MALRD1: variants seen among roughly 807,000 people sequenced by gnomAD.
The protein encoded by MALRD1 is MAM and LDL receptor class A domain containing 1.
Under a neutral mutation model 242.1 loss-of-function variants are expected in MALRD1, and 247 were observed. That is an observed-to-expected ratio of 1.02 (90% CI 0.92 to 1.13). The LOEUF is 1.13. MALRD1 is among the 50% of genes most tolerant of loss of function. MALRD1 has a pLI of 0.00. For synonymous variants in MALRD1, 995 were observed against 866.6 expected, an observed-to-expected ratio of 1.15 and a Z score of -2.60; for missense variants, 2,989 against 2,533.1, an observed-to-expected ratio of 1.18 and a Z score of -3.86.
intron 28 of MALRD1, among the ~76,000 whole-genome samples, chr10:19,429,003 T>C (rs1834012986): frequency 6.6e-6 from 1 of 152,252 alleles, no homozygotes; most frequent in Non-Finnish European, 1.5e-5. Context: ...TTTGGAAGTA[T>C]TCCTGTATGT....
chr10:19,102,179 A>G (rs1294045489), intron 4 of MALRD1, among the ~76,000 whole-genome samples: 1 of 148,786 alleles, frequency 6.7e-6, no homozygotes, highest in Non-Finnish European at 1.5e-5. Flanking sequence ...TTTTTGAAAA[A>G]ATATCTTTTG....
intron 9 of MALRD1, among the ~76,000 whole-genome samples, chr10:19,136,223 T>C (rs1650766676): frequency 6.6e-6 from 1 of 152,170 alleles, no homozygotes; most frequent in South Asian, 2.1e-4. Context: ...GTAAAGATGA[T>C]GACCAAGTAA....
At chr10:19,335,472 C>T (rs1224603592) in intron 24 of MALRD1, among the ~76,000 whole-genome samples, 1 of 151,808 alleles carries the variant, frequency 6.6e-6, no homozygotes, top group Non-Finnish European at 1.5e-5. Context: ...CTGGAATCTG[C>T]CATATGAATT....
chr10:19,496,111 C>A (rs1837707724), intron 30 of MALRD1, among the ~76,000 whole-genome samples: 1 of 152,070 alleles, frequency 6.6e-6, no homozygotes, highest in African/African-American at 2.4e-5. Context: ...GACTCCCAAA[C>A]AATAATAGTG....
At chr10:19,474,932 G>A (rs1442074868) in intron 29 of MALRD1, among the ~76,000 whole-genome samples, 1 of 152,028 alleles carries the variant, frequency 6.6e-6, no homozygotes, top group African/African-American at 2.4e-5. Context: ...TTTATTAAAT[G>A]CCAAACAAGT....
chr10:19,359,324 C>T (rs1290947035), intron 26 of MALRD1, among the ~76,000 whole-genome samples: 2 of 152,104 alleles, frequency 1.3e-5, no homozygotes, highest in African/African-American at 4.8e-5. Flanking sequence ...ATTGGAAATA[C>T]ATATTGACAT....
intron 18 of MALRD1, among the ~76,000 whole-genome samples, chr10:19,235,683 A>G (rs2131713060): frequency 6.6e-6 from 1 of 151,698 alleles, no homozygotes; most frequent in South Asian, 2.1e-4. Flanking sequence ...GAATGAATGG[A>G]AAGGATTCAT....
At chr10:19,050,516 C>T (rs1183761164) in intron 1 of MALRD1, among the ~76,000 whole-genome samples, 1 of 152,224 alleles carries the variant, frequency 6.6e-6, no homozygotes, top group African/African-American at 2.4e-5. Context: ...GTTGCTATTA[C>T]ATTAAAACCA....
intron 2 of MALRD1, among the ~76,000 whole-genome samples, chr10:19,086,901 A>G (rs1588522379): frequency 6.6e-6 from 1 of 151,920 alleles, no homozygotes; most frequent in East Asian, 1.9e-4. Flanking sequence ...GTCTGTTCCC[A>G]TACATCTTTC....
chr10:19,287,759 A>G (rs1841197892), intron 21 of MALRD1, among the ~76,000 whole-genome samples: 1 of 152,112 alleles, frequency 6.6e-6, no homozygotes, highest in Non-Finnish European at 1.5e-5. Flanking sequence ...TGAGGTGAAG[A>G]CAACTCACCT....
intron 21 of MALRD1, among the ~76,000 whole-genome samples, chr10:19,284,518 T>A (rs1428630858): frequency 6.6e-6 from 1 of 150,524 alleles, no homozygotes; most frequent in East Asian, 2.0e-4. Context: ...TTTTTGTTCT[T>A]GCGATAGTTT....
intron 31 of MALRD1, among the ~76,000 whole-genome samples, chr10:19,524,902 C>CTATTAT (rs3045382): frequency 2.7e-5 from 4 of 149,924 alleles, no homozygotes; most frequent in African/African-American, 7.4e-5. Flanking sequence ...AATTTTATTA[C>CTATTAT]TATTATTATT....
upstream of MALRD1, among the ~76,000 whole-genome samples, chr10:19,047,389 C>T (rs114447997): frequency 8.3e-3 from 1,237 of 148,814 alleles, 17 homozygotes; most frequent in African/African-American, 0.029. Flanking sequence ...TGTGTGTCTG[C>T]GTGTTCTCAG....
chr10:19,446,531 T>G (rs1834992215), intron 28 of MALRD1, among the ~76,000 whole-genome samples: 1 of 152,226 alleles, frequency 6.6e-6, no homozygotes, highest in South Asian at 2.1e-4. Flanking sequence ...TCTATTAATA[T>G]GTTTGTACAA....
At chr10:19,222,096 G>A (rs1240963673) in intron 18 of MALRD1, among the ~76,000 whole-genome samples, 1 of 151,606 alleles carries the variant, frequency 6.6e-6, no homozygotes, top group African/African-American at 2.4e-5. Context: ...TCCCTCCCTT[G>A]CTCCCTCCAT....
chr10:19,325,135 C>T (rs1425455562), intron 22 of MALRD1, among the ~76,000 whole-genome samples: 1 of 150,924 alleles, frequency 6.6e-6, no homozygotes, highest in East Asian at 1.9e-4. Context: ...ATTCTCATCC[C>T]TCTATTTGTT....
chr10:19,684,284 G>A (rs1481481694), intron 36 of MALRD1, among the ~76,000 whole-genome samples: 3 of 152,108 alleles, frequency 2.0e-5, no homozygotes, highest in Non-Finnish European at 4.4e-5. Flanking sequence ...TTCTGACTTT[G>A]TAACATTATC....
At chr10:19,262,064 A>G (rs1839774794) in intron 19 of MALRD1, among the ~76,000 whole-genome samples, 1 of 152,134 alleles carries the variant, frequency 6.6e-6, no homozygotes, top group South Asian at 2.1e-4. Context: ...TTAAAATGTC[A>G]TCATTTGCTC....
chr10:19,545,906 A>G (rs1254699629), intron 32 of MALRD1, among the ~76,000 whole-genome samples: 2 of 152,154 alleles, frequency 1.3e-5, no homozygotes, highest in South Asian at 2.1e-4. Context: ...TATTCAGTCT[A>G]TCTGTGAGGC....
Sources: gnomAD v4.1 joint callset for allele counts (sites outside exome capture counted in the v4.1 genomes callset) on GRCh38, gnomAD v4.1.1 for gene constraint, MANE v1.5 for transcripts, NCBI Gene and HGNC (gene_info 2026-07-23, HGNC 2026-07-21) for gene names.